The following SUCO variants were observed in gnomAD, a reference collection of about 807,000 sequenced individuals.
SUCO encodes SUN domain containing ossification factor, also known as SUN domain-containing ossification factor.
SUCO carries 57 observed loss-of-function variants against 148.1 expected under a neutral mutation model. That is an observed-to-expected ratio of 0.38 (90% confidence interval 0.31 to 0.48). The LOEUF (loss-of-function observed/expected upper bound fraction) is 0.48. Ranked by LOEUF, SUCO falls within the 20% of genes least tolerant of loss-of-function variation. The probability of loss-of-function intolerance (pLI) is 0.96; values close to 1 mark genes in which losing one functional copy is unlikely to be tolerated. For synonymous variants in SUCO, 470 were observed against 502.7 expected, an observed-to-expected ratio of 0.93 and a Z score of 0.87; for missense variants, 1,331 against 1,468.2, an observed-to-expected ratio of 0.91 and a Z score of 1.53.
intron 4 of SUCO, among the ~76,000 whole-genome samples, chr1:172,556,390 T>C (rs1013100196): frequency 2.6e-4 from 39 of 152,214 alleles, no homozygotes; most frequent in Non-Finnish European, 5.9e-5. Flanking sequence ...ATCACTGTCA[T>C]TTCATTCATT....
In SUCO at chr1:172,609,241, G is replaced by A. The variant is rs1658058485; in HGVS notation, c.3321+439G>A. On this transcript the variant is annotated intron_variant, in intron 23 of 23. Transcript: ENST00000263688. ...CATTTTTTTTTTTAATAAAAAAACA[G>A]CAACTCAGAATGTACTTAGGATTTT... 7 of 983,896 alleles carry A rather than the reference G, an allele frequency of 7.1e-6. No homozygotes were observed. In the South Asian group the frequency reaches 2.8e-4, roughly 40 times the overall value. 60.9% of individuals were successfully genotyped at this position (983,896 alleles called of 1,614,324 possible).
In SUCO at chr1:172,557,664, A is replaced by G; in HGVS notation, c.602A>G (p.Glu201Gly). The G allele has an allele frequency of 6.2e-7, 1 of 1,602,750 alleles. No individual in the cohort carries two copies. The highest frequency in any genetic ancestry group is 8.5e-7 in the Non-Finnish European group (1 of 1,176,824). ...AACAGCCTTGTTGGCCAGCATATAG[A>G]AAATGTATCATCTTCACATGGTAAA... ...PPDSLVGQHI[E>G]NVSSSHGKGK... Residue 201 changes from glutamate to glycine, a missense_variant, in exon 6 of 24, where the codon GAA (glutamate) becomes GGA (glycine). Physicochemically the swap from Glu to Gly is moderately conservative, Grantham distance 98. Around this residue, in one of 3 missense-constraint regions of SUCO, gnomAD observed 992 missense variants for 1,093.5 expected, o/e 0.91. Transcript: ENST00000263688.
chr1:172,573,974 A>G lies in SUCO; in HGVS notation c.1133A>G (p.Asp378Gly). ...NYELFSSTPKDFLVSISDRYP... is the reference protein window; with the variant it reads ...NYELFSSTPKGFLVSISDRYP... ...GAATTATTTTCTTCTACTCCTAAAG[A>G]TTTTCTGGTTTCTATCAGTGACAGG... is the stretch of plus-strand genomic sequence containing the variant. Residue 378 changes from aspartate to glycine, a missense_variant, in exon 10 of 24, where the codon GAT becomes GGT. By Grantham distance (94) the Asp-to-Gly change is moderately conservative (BLOSUM62 -1). Coordinates refer to ENST00000263688, the MANE Select transcript of SUCO (RefSeq NM_014283.5). 2 of 1,588,234 alleles carry G rather than the reference A, an allele frequency of 1.3e-6. No homozygotes were observed. Among genetic ancestry groups the G allele is most frequent in the Non-Finnish European group, 1.7e-6 (2 of 1,159,514 alleles).
At chr1:172,601,632 G>T (rs1657538346) in intron 20 of SUCO, among the ~76,000 whole-genome samples, 1 of 152,164 alleles carries the variant, frequency 6.6e-6, no homozygotes, top group African/African-American at 2.4e-5. Flanking sequence ...TAAGCCTTAA[G>T]GAACTAAGGT....
chr1:172,571,011 G>A (rs2149245822), intron 9 of SUCO, among the ~76,000 whole-genome samples: 1 of 152,304 alleles, frequency 6.6e-6, no homozygotes, highest in Non-Finnish European at 1.5e-5. Flanking sequence ...TGCAAGAGGA[G>A]ATGAGAGAAG....
At chr1:172,572,696 TAAAAAAAAAAAAAAAAAAAAA>T (rs61248782) in intron 9 of SUCO, among the ~76,000 whole-genome samples, 1 of 49,600 alleles carries the variant, frequency 2.0e-5, no homozygotes, top group Non-Finnish European at 3.7e-5. Context: ...GAATGATCAA[TAAAAAAAAAAAAAAAAAAAAA>T]AAAAAAAAAG....
intron 1 of SUCO, among the ~76,000 whole-genome samples, chr1:172,549,629 T>C (rs913241531): frequency 6.6e-6 from 1 of 151,980 alleles, no homozygotes; most frequent in African/African-American, 2.4e-5. Flanking sequence ...AAAGAATGTT[T>C]TCTGCTTTCT....
chr1:172,548,422 T>G (rs1295308417), intron 1 of SUCO, among the ~76,000 whole-genome samples: 3 of 152,010 alleles, frequency 2.0e-5, no homozygotes, highest in Non-Finnish European at 4.4e-5. Context: ...ATTTTAGCAA[T>G]GCCTATCCAT....
rs755333238 is a variant in SUCO, at chr1:172,588,770, A to T, written c.1669A>T (p.Thr557Ser). The T allele has an allele frequency of 5.3e-6, 8 of 1,496,452 alleles. No homozygotes were observed. In the African/African-American group the frequency reaches 1.1e-4, roughly 21 times the overall value. 92.7% of individuals were successfully genotyped at this position (1,496,452 alleles called of 1,614,324 possible). ...TATATGTATTTCTAGGTATGTAACC[A>T]CTGAAGTACACACACATGACATGGA... ...TPVPSPEYVTTEVHTHDMEPS... is the reference protein window; with the variant it reads ...TPVPSPEYVTSEVHTHDMEPS... Residue 557 changes from threonine (T) to serine (S), a missense_variant, in exon 18 of 24, where the codon ACT (threonine) becomes TCT (serine). Thr to Ser is a moderately conservative substitution (Grantham distance 58, BLOSUM62 1). This residue lies in a region of SUCO where 992 missense variants were observed against 1,093.5 expected (regional missense o/e 0.91). Coordinates refer to ENST00000263688, the MANE Select transcript of SUCO (RefSeq NM_014283.5).
Position 172,585,011 on chromosome 1 carries a change from G to A in SUCO, c.1499-7G>A, listed in dbSNP as rs1302135096. ...TTGGTACTTTTTCTGATTGAATTTT[G>A]TTTTAGATGCCATTCTAAATATGGT... On this transcript the variant is annotated splice_polypyrimidine_tract_variant and splice_region_variant and intron_variant, in intron 15 of 23. Coordinates refer to ENST00000263688, the MANE Select transcript of SUCO (RefSeq NM_014283.5). 1 of 1,585,102 alleles carries A rather than the reference G, an allele frequency of 6.3e-7. No homozygotes were observed. Among genetic ancestry groups the A allele is most frequent in the East Asian group, 2.3e-5 (1 of 44,078 alleles).
intron 6 of SUCO, 107 bp from the exon 7 acceptor site, chr1:172,568,912 A>G: frequency 9.3e-7 from 1 of 1,077,586 alleles, no homozygotes; most frequent in East Asian, 3.2e-5. Context: ...ATAATCATTC[A>G]TTATAAATTG....
chr1:172,533,003 C>A, upstream of SUCO: 2 of 1,417,636 alleles, frequency 1.4e-6, no homozygotes, highest in Non-Finnish European at 1.8e-6. Flanking sequence ...GTGCGGGCGC[C>A]GCGGGACTTG....
chr1:172,554,477 C>G (rs1653570648), intron 3 of SUCO, among the ~76,000 whole-genome samples: 1 of 152,110 alleles, frequency 6.6e-6, no homozygotes, highest in Admixed American at 6.5e-5. Context: ...ATTTTGAAGA[C>G]TTAATTAAAA....
In SUCO at chr1:172,589,119, T is replaced by C; in HGVS notation, c.2018T>C (p.Val673Ala). 4 of 1,613,648 alleles carry C rather than the reference T, an allele frequency of 2.5e-6. No individual in the cohort carries two copies. Among genetic ancestry groups the C allele is most frequent in the Non-Finnish European group, 3.4e-6 (4 of 1,179,786 alleles). Residue 673 changes from valine to alanine, a missense_variant, in exon 18 of 24, where the codon GTA becomes GCA. This residue lies in a region of SUCO where 992 missense variants were observed against 1,093.5 expected (regional missense o/e 0.91). Coordinates refer to ENST00000263688, the MANE Select transcript of SUCO (RefSeq NM_014283.5). ...QPPLLLPAES[V>A]DVSVLQPLSG... ...CCCTTACTACTTCCTGCGGAATCAG[T>C]AGATGTTTCAGTATTGCAACCTCTG... is the stretch of plus-strand genomic sequence containing the variant.
At chr1:172,562,627 C>T (rs1397484381) in intron 6 of SUCO, among the ~76,000 whole-genome samples, 4 of 152,194 alleles carry the variant, frequency 2.6e-5, no homozygotes, top group Non-Finnish European at 4.4e-5. Context: ...TGAGCCAGTG[C>T]ACCCAGTTAG....
intron 1 of SUCO, among the ~76,000 whole-genome samples, chr1:172,535,457 C>T (rs1308907609): frequency 6.6e-6 from 1 of 152,052 alleles, no homozygotes; most frequent in East Asian, 1.9e-4. Context: ...AGGAGTGGTA[C>T]CTGGTGCTGA....
intron 12 of SUCO, 68 bp from the exon 13 acceptor site, chr1:172,577,696 G>C (rs1312205049): frequency 3.8e-6 from 6 of 1,575,450 alleles, no homozygotes; most frequent in Non-Finnish European, 5.2e-6. Context: ...TGAAAAAACT[G>C]AGTATATTGT....
rs893124134 is a variant in SUCO at position 172,575,735 on chromosome 1, A to G, written c.1263+112A>G. 1.5e-5 allele frequency: 9 copies of G among 598,476 alleles called. No individual in the cohort carries two copies. The African/African-American group carries it at 1.5e-4, about 10-fold the overall frequency. 37.1% of individuals were successfully genotyped at this position (598,476 alleles called of 1,614,324 possible). On this transcript the variant is annotated intron_variant, in intron 11 of 23. Coordinates refer to ENST00000263688, the MANE Select transcript of SUCO (RefSeq NM_014283.5). ...GAAAAGTTAAGAAATAGACTACACT[A>G]TACCACTTAATAGATAATTCTTACT...
chr1:172,578,598 C>T, intron 14 of SUCO: 1 of 926,896 alleles, frequency 1.1e-6, no homozygotes, highest in Non-Finnish European at 1.3e-6. Flanking sequence ...GCTTATCTAT[C>T]ACTTATTTGT....
Sources: gnomAD v4.1 joint callset for allele counts (sites outside exome capture counted in the v4.1 genomes callset) on GRCh38, gnomAD v4.1.1 for gene constraint, gnomAD v4.1.1 regional missense constraint, MANE v1.5 for transcripts, NCBI Gene and HGNC (gene_info 2026-07-23, HGNC 2026-07-21) for gene names.